Variants in NLN observed in about 807,000 individuals in gnomAD.
NLN encodes neurolysin, mitochondrial.
Under a neutral mutation model 79.9 loss-of-function variants are expected in NLN, and 64 were observed. The ratio of observed to expected loss-of-function variants is 0.80; its 90% CI spans 0.65 to 0.99. The LOEUF (loss-of-function observed/expected upper bound fraction) is 0.99, where lower values mean the gene tolerates loss of function less well. NLN is among the 50% of genes least tolerant of loss of function. The pLI is 0.00. For missense variants in NLN, 835 were observed against 858.7 expected (o/e 0.97, Z 0.34); for synonymous variants, 267 against 296.6 (o/e 0.90, Z 1.02).
At position 65,811,853 on chromosome 5, in the gene NLN, C is replaced by G. The variant is rs1053355550; in HGVS notation, c.1844-402C>G. On this transcript the variant is annotated intron_variant, in intron 11 of 12. Transcript: ENST00000380985. The stretch of plus-strand genomic sequence containing the variant: ...AAGTTCTTTTTCAGTAATTATCAAC[C>G]TAAAATAAGTGCAATTCTGAGACAT... 1.1e-4 allele frequency among the ~76,000 whole-genome samples: 17 copies of G among 152,108 alleles called. No individual in the cohort carries two copies. In the East Asian group the frequency reaches 2.5e-3, roughly 22 times the overall value.
At chr5:65,758,509 T>A in intron 1 of NLN, 58 bp from the exon 2 acceptor site, 2 of 1,220,318 alleles carry the variant, frequency 1.6e-6, no homozygotes, top group South Asian at 2.7e-5. Flanking sequence ...CACATTCATA[T>A]GTTGACTTTG....
chr5:65,813,927 CAA>C (rs60573203), intron 12 of NLN, among the ~76,000 whole-genome samples: 2 of 141,092 alleles, frequency 1.4e-5, no homozygotes, highest in African/African-American at 2.6e-5. Flanking sequence ...GAGATTATCT[CAA>C]AAAAAAAAAA....
intron 1 of NLN, among the ~76,000 whole-genome samples, chr5:65,752,707 G>A (rs147508286): frequency 3.3e-5 from 5 of 152,270 alleles, no homozygotes; most frequent in Admixed American, 2.6e-4. Flanking sequence ...GGGATGCTCC[G>A]CAAAATGAAG....
chr5:65,792,049 G>A (rs985286632), intron 8 of NLN, among the ~76,000 whole-genome samples: 1 of 152,152 alleles, frequency 6.6e-6, no homozygotes, highest in South Asian at 2.1e-4. Context: ...TTTTTATTCC[G>A]ATTTTAATGA....
At position 65,823,391 on chromosome 5, in the gene NLN, G is replaced by A. The variant is rs1760843111; in HGVS notation, c.*476G>A. On this transcript the variant is annotated 3_prime_UTR_variant, in exon 13 of 13. Transcript: ENST00000380985. ...ACTTTGATCCTTTGTCTCCCAGGAA[G>A]GTGTGACCTCTCCTTTGCCTGCATA... 6.4e-6 allele frequency: 1 copy of A among 155,102 alleles called. No homozygotes were observed. The highest frequency in any genetic ancestry group is 6.4e-5 in the Admixed American group (1 of 15,622). 9.6% of individuals were successfully genotyped at this position (155,102 alleles called of 1,614,324 possible).
At chr5:65,740,028 G>A (rs1758836641) in intron 1 of NLN, among the ~76,000 whole-genome samples, 1 of 151,860 alleles carries the variant, frequency 6.6e-6, no homozygotes, top group Non-Finnish European at 1.5e-5. Flanking sequence ...TTTTGCTTTT[G>A]TTGACTCTGC....
chr5:65,793,313 T>C (rs1353619842), intron 9 of NLN: 1 of 157,130 alleles, frequency 6.4e-6, no homozygotes, highest in African/African-American at 2.4e-5. Flanking sequence ...TATTAACATA[T>C]GAAAATGTCT....
intron 12 of NLN, among the ~76,000 whole-genome samples, chr5:65,813,236 T>G (rs1760593603): frequency 6.6e-6 from 1 of 152,206 alleles, no homozygotes. Flanking sequence ...ACCTCCAAGG[T>G]ACCCATACTT....
intron 1 of NLN, among the ~76,000 whole-genome samples, chr5:65,741,416 CTT>C (rs923055057): frequency 6.6e-6 from 1 of 152,056 alleles, no homozygotes; most frequent in African/African-American, 2.4e-5. Context: ...ATAATTAACA[CTT>C]ATTTTTGACT....
chr5:65,810,903 G>T (rs1760529782), intron 11 of NLN, among the ~76,000 whole-genome samples: 1 of 152,116 alleles, frequency 6.6e-6, no homozygotes, highest in South Asian at 2.1e-4. Flanking sequence ...ACCTGAGCCT[G>T]GGGAGGTTAA....
At chr5:65,722,482 A>C in intron 1 of NLN, 68 bp downstream of exon 1, 1 of 1,403,008 alleles carries the variant, frequency 7.1e-7, no homozygotes, top group Non-Finnish European at 9.8e-7. Flanking sequence ...TGGTGCCTGG[A>C]GCCCGGACCC....
intron 1 of NLN, among the ~76,000 whole-genome samples, chr5:65,734,199 A>G (rs1196587557): frequency 7.2e-6 from 1 of 139,316 alleles, no homozygotes; most frequent in Non-Finnish European, 1.6e-5. Context: ...GGGTTTCACG[A>G]TGTTGGAGGA....
At chr5:65,789,199 G>A (rs1192481927) in intron 8 of NLN, among the ~76,000 whole-genome samples, 1 of 152,166 alleles carries the variant, frequency 6.6e-6, no homozygotes, top group Non-Finnish European at 1.5e-5. Flanking sequence ...TTAGTATACA[G>A]ATTTAAAATG....
intron 12 of NLN, chr5:65,819,072 A>G (rs1030344842): frequency 6.6e-6 from 1 of 152,230 alleles, no homozygotes; most frequent in East Asian, 1.9e-4. Context: ...CTCCCACTTA[A>G]TATTTCTACT....
intron 9 of NLN, among the ~76,000 whole-genome samples, chr5:65,796,762 G>A (rs528474308): frequency 2.6e-5 from 4 of 152,326 alleles, no homozygotes; most frequent in African/African-American, 9.6e-5. Context: ...ATGGATGATA[G>A]TGAAAACAGA....
At chr5:65,750,747 A>G (rs1203970156) in intron 1 of NLN, among the ~76,000 whole-genome samples, 7 of 152,190 alleles carry the variant, frequency 4.6e-5, no homozygotes, top group East Asian at 3.9e-4. Flanking sequence ...GAGAGAGAGA[A>G]AAATAAAGAA....
intron 9 of NLN, 171 bp from the exon 10 acceptor site, chr5:65,809,344 G>A (rs1001306605): frequency 6.9e-6 from 4 of 579,942 alleles, no homozygotes; most frequent in African/African-American, 3.7e-5. Context: ...TTTTCACACT[G>A]TTCAGCTGCT....
At chr5:65,786,032 T>A (rs1759913956) in intron 7 of NLN, 122 bp downstream of exon 7, 1 of 827,400 alleles carries the variant, frequency 1.2e-6, no homozygotes, top group Non-Finnish European at 1.9e-6. Flanking sequence ...AGAAGTATAT[T>A]GATCACCTAT....
intron 1 of NLN, among the ~76,000 whole-genome samples, chr5:65,731,473 T>C (rs1758606673): frequency 6.6e-6 from 1 of 152,198 alleles, no homozygotes; most frequent in Non-Finnish European, 1.5e-5. Context: ...TTTACTTGTG[T>C]GAATTGCCTA....
Sources: allele counts gnomAD v4.1 joint callset (sites outside exome capture counted in the v4.1 genomes callset), GRCh38; gene constraint gnomAD v4.1.1; transcripts MANE v1.5; gene names NCBI Gene and HGNC (gene_info 2026-07-23, HGNC 2026-07-21).